The following KCNH1 variants were observed in gnomAD, a reference collection of about 807,000 sequenced individuals.
The protein encoded by KCNH1 is voltage-gated delayed rectifier potassium channel KCNH1.
KCNH1 carries 27 observed loss-of-function variants against 69.2 expected under a neutral mutation model. That is an observed-to-expected ratio of 0.39 (90% CI 0.29 to 0.54). The LOEUF (loss-of-function observed/expected upper bound fraction) is 0.54, where lower values mean the gene tolerates loss of function less well. Among genes scored for constraint, KCNH1 ranks in the 20% least tolerant of loss-of-function variants. The pLI is 0.68. For missense variants in KCNH1, 798 were observed against 1,261.6 expected, an observed-to-expected ratio of 0.63 and a Z score of 5.57; for synonymous variants, 456 against 487.7, an observed-to-expected ratio of 0.93 and a Z score of 0.86.
intron 6 of KCNH1, among the ~76,000 whole-genome samples, chr1:211,011,913 C>A (rs1398704401): frequency 2.0e-5 from 3 of 152,224 alleles, no homozygotes; most frequent in African/African-American, 7.2e-5. Context: ...AAGTTCTAGA[C>A]AATGTTTCTA....
intron 6 of KCNH1, among the ~76,000 whole-genome samples, chr1:210,956,853 C>CA (rs1230068959): frequency 1.3e-5 from 2 of 151,824 alleles, no homozygotes; most frequent in Non-Finnish European, 2.9e-5. Flanking sequence ...TTGATCTTTT[C>CA]AAAAAATCAG....
At chr1:210,844,009 A>G (rs1685481381) in intron 7 of KCNH1, among the ~76,000 whole-genome samples, 1 of 152,178 alleles carries the variant, frequency 6.6e-6, no homozygotes, top group South Asian at 2.1e-4. Context: ...GAGACCACAA[A>G]GAAGGACTTC....
chr1:210,944,514 G>A (rs1366654400), intron 6 of KCNH1, among the ~76,000 whole-genome samples: 1 of 152,146 alleles, frequency 6.6e-6, no homozygotes, highest in Non-Finnish European at 1.5e-5. Context: ...TCGCCTCAGG[G>A]GTTCTGGGAC....
At chr1:211,069,498 T>C (rs955782925) in intron 5 of KCNH1, among the ~76,000 whole-genome samples, 1 of 152,082 alleles carries the variant, frequency 6.6e-6, no homozygotes, top group African/African-American at 2.4e-5. Context: ...AGGGCTCTAA[T>C]AGATAAAAGT....
chr1:211,131,721 T>C (rs548323650), intron 1 of KCNH1, among the ~76,000 whole-genome samples: 144 of 152,296 alleles, frequency 9.5e-4, no homozygotes, highest in Non-Finnish European at 1.5e-3. Context: ...TCAGGAAATA[T>C]TATAAAAGGG....
At chr1:211,103,640 T>C in intron 2 of KCNH1, 38 bp from the exon 3 acceptor site, 1 of 1,296,340 alleles carries the variant, frequency 7.7e-7, no homozygotes, top group Non-Finnish European at 1.1e-6. Flanking sequence ...GATTAAGAAG[T>C]ATTCATTATT....
chr1:210,836,393 C>T (rs1053707337), intron 7 of KCNH1, among the ~76,000 whole-genome samples: 1 of 152,134 alleles, frequency 6.6e-6, no homozygotes, highest in Non-Finnish European at 1.5e-5. Flanking sequence ...AATCATTAAG[C>T]CTGCCAGGAA....
At chr1:211,006,942 T>C (rs914275648) in intron 6 of KCNH1, among the ~76,000 whole-genome samples, 4 of 151,940 alleles carry the variant, frequency 2.6e-5, no homozygotes, top group Non-Finnish European at 5.9e-5. Flanking sequence ...TAAACATATA[T>C]ATATGCTTTA....
At chr1:210,813,435 G>A (rs1684748367) in intron 7 of KCNH1, among the ~76,000 whole-genome samples, 1 of 152,178 alleles carries the variant, frequency 6.6e-6, no homozygotes, top group Non-Finnish European at 1.5e-5. Context: ...GATGAGGAGG[G>A]GCTGAAGAGT....
At chr1:211,068,717 A>G (rs1690579241) in intron 5 of KCNH1, among the ~76,000 whole-genome samples, 1 of 152,194 alleles carries the variant, frequency 6.6e-6, no homozygotes, top group African/African-American at 2.4e-5. Context: ...GATACATCAG[A>G]GAAGTGAGTG....
intron 1 of KCNH1, among the ~76,000 whole-genome samples, chr1:211,131,302 A>G (rs1476951258): frequency 6.6e-6 from 1 of 152,236 alleles, no homozygotes; most frequent in Non-Finnish European, 1.5e-5. Flanking sequence ...TTAAAGGATG[A>G]TAAAAATAGT....
rs61235458 is a variant in KCNH1 at position 210,869,484 on chromosome 1, CGTGTGTGTGTGTGTGT to C, written c.1462+50140_1462+50155del. On this transcript the variant is annotated intron_variant, in intron 7 of 10. Transcript: ENST00000271751. Reference sequence around the variant, plus strand: ...ACTGATTTTTCTCCTAGTTATAAGTCGTGTGTGTGTGTGTGTGTGTGTGTGTGTGTGTGTGTGTGTG... The same window carrying C: ...ACTGATTTTTCTCCTAGTTATAAGTCGTGTGTGTGTGTGTGTGTGTGTGTG... 8.1e-4 allele frequency among the ~76,000 whole-genome samples: 111 copies of C among 137,016 alleles called. 1 individual carries two copies. The highest frequency in any genetic ancestry group is 2.2e-3 in the African/African-American group (80 of 36,488). 89.9% of individuals were successfully genotyped at this position (137,016 alleles called of 152,430 possible).
In KCNH1 at chr1:210,919,181, T is replaced by C. The variant is rs1215285842; in HGVS notation, c.1462+459A>G. ...TGCTTTGCTGTCATAATCATTTCAC[T>C]ATATCAAAATCTCATTTCATACTTT... On this transcript the variant is annotated intron_variant, in intron 7 of 10. Coordinates refer to ENST00000271751, the MANE Select transcript of KCNH1 (RefSeq NM_172362.3). The surrounding 1 kb of genome is among the most constrained non-coding windows in gnomAD (Gnocchi z 4.2). 6.4e-6 allele frequency: 1 copy of C among 155,448 alleles called. No individual in the cohort carries two copies. Among genetic ancestry groups the C allele is most frequent in the Non-Finnish European group, 1.4e-5 (1 of 69,950 alleles). The allele number at this position is 155,448 out of a possible 1,614,324, so 9.6% of individuals were successfully genotyped here.
At chr1:210,803,349 G>A (rs539085677) in intron 8 of KCNH1, among the ~76,000 whole-genome samples, 4 of 152,118 alleles carry the variant, frequency 2.6e-5, no homozygotes, top group South Asian at 2.1e-4. Flanking sequence ...TGATCCACCC[G>A]CCTCGGCCTC....
At chr1:210,873,279 G>C (rs1042462756) in intron 7 of KCNH1, among the ~76,000 whole-genome samples, 1 of 152,128 alleles carries the variant, frequency 6.6e-6, no homozygotes, top group African/African-American at 2.4e-5. Context: ...GGTGTATCAT[G>C]AACAAAGATT....
At chr1:210,772,281 T>C (rs1283531371) in intron 10 of KCNH1, among the ~76,000 whole-genome samples, 1 of 152,162 alleles carries the variant, frequency 6.6e-6, no homozygotes, top group Non-Finnish European at 1.5e-5. Flanking sequence ...ACTCCCCAGA[T>C]AGATGTCAAA....
intron 1 of KCNH1, among the ~76,000 whole-genome samples, chr1:211,123,386 T>C (rs1050950973): frequency 2.0e-5 from 3 of 152,120 alleles, no homozygotes; most frequent in Non-Finnish European, 2.9e-5. Flanking sequence ...AAAACTGGTC[T>C]TGAGAGAGAA....
At chr1:210,815,818 C>T (rs1246376250) in intron 7 of KCNH1, among the ~76,000 whole-genome samples, 2 of 152,162 alleles carry the variant, frequency 1.3e-5, no homozygotes, top group African/African-American at 4.8e-5. Context: ...GTCCTGCCCA[C>T]GAAGGTGCCA....
intron 7 of KCNH1, among the ~76,000 whole-genome samples, chr1:210,839,930 T>C (rs1685369949): frequency 6.6e-6 from 1 of 152,158 alleles, no homozygotes; most frequent in South Asian, 2.1e-4. Context: ...GAGATCTATC[T>C]GGAACAAAGG....
Sources: allele counts gnomAD v4.1 joint callset (sites outside exome capture counted in the v4.1 genomes callset), GRCh38; gene constraint gnomAD v4.1.1; non-coding constraint Gnocchi (gnomAD v3.1); transcripts MANE v1.5; gene names NCBI Gene and HGNC (gene_info 2026-07-23, HGNC 2026-07-21).